Variants in MYT1L observed in about 807,000 individuals in gnomAD.
The protein encoded by MYT1L is myelin transcription factor 1 like, also known as myelin transcription factor 1-like protein.
MYT1L carries 12 observed loss-of-function variants against 126.7 expected under a neutral mutation model. The observed-to-expected ratio is 0.09, with a 90% CI of 0.06 to 0.15. MYT1L has a LOEUF of 0.15. MYT1L is among the 10% of genes least tolerant of loss of function. The pLI is 1.00. For synonymous variants in MYT1L, 541 were observed against 604.2 expected (o/e 0.90, Z 1.53); for missense variants, 979 against 1,585.2 (o/e 0.62, Z 6.49).
intron 1 of MYT1L, among the ~76,000 whole-genome samples, chr2:2,297,135 C>A (rs1313638782): frequency 6.6e-6 from 1 of 152,226 alleles, no homozygotes; most frequent in African/African-American, 2.4e-5. Context: ...ACACAAGTAT[C>A]AGGGGACCTC....
At chr2:2,272,050 C>G (rs2095274101) in intron 2 of MYT1L, among the ~76,000 whole-genome samples, 1 of 152,252 alleles carries the variant, frequency 6.6e-6, no homozygotes, top group Admixed American at 6.5e-5. Flanking sequence ...CCTCGCCCCA[C>G]CCAGCAATCC....
At chr2:2,255,773 C>T (rs2094793453) in intron 2 of MYT1L, among the ~76,000 whole-genome samples, 1 of 152,124 alleles carries the variant, frequency 6.6e-6, no homozygotes, top group Non-Finnish European at 1.5e-5. Flanking sequence ...TGTTGTGAAA[C>T]AAAGCAAGCT....
At chr2:1,846,189 A>C (rs925108098) in intron 19 of MYT1L, among the ~76,000 whole-genome samples, 4 of 152,168 alleles carry the variant, frequency 2.6e-5, no homozygotes, top group Admixed American at 2.0e-4. Context: ...AATGCGTGAG[A>C]GTGCGCCAGG....
chr2:1,992,753 A>T (rs1036902678), intron 5 of MYT1L, among the ~76,000 whole-genome samples: 5 of 152,122 alleles, frequency 3.3e-5, no homozygotes, highest in African/African-American at 1.2e-4. Flanking sequence ...CCCAAAGCAG[A>T]CCTCCTTCTT....
chr2:2,306,343 G>A (rs1398630332), intron 1 of MYT1L, among the ~76,000 whole-genome samples: 2 of 152,114 alleles, frequency 1.3e-5, no homozygotes, highest in African/African-American at 2.4e-5. Flanking sequence ...GTATCAAATG[G>A]TCCAAAGGAA....
At chr2:2,162,296 G>C (rs903750532) in intron 3 of MYT1L, among the ~76,000 whole-genome samples, 1 of 151,938 alleles carries the variant, frequency 6.6e-6, no homozygotes, top group East Asian at 1.9e-4. Flanking sequence ...GGTGCCTGGG[G>C]TCCACGGAGA....
At chr2:1,967,399 G>A (rs1278281350) in intron 8 of MYT1L, among the ~76,000 whole-genome samples, 1 of 152,226 alleles carries the variant, frequency 6.6e-6, no homozygotes, top group East Asian at 1.9e-4. Context: ...ATTTGGGGAT[G>A]TACCCAGATG....
intron 8 of MYT1L, among the ~76,000 whole-genome samples, chr2:1,956,316 A>T (rs979622874): frequency 7.9e-6 from 1 of 126,012 alleles, no homozygotes; most frequent in African/African-American, 3.8e-5. Context: ...TATATTTCCT[A>T]TTCTATGTGT....
intron 3 of MYT1L, among the ~76,000 whole-genome samples, chr2:2,081,944 C>G (rs1209820012): frequency 5.9e-5 from 9 of 151,982 alleles, no homozygotes; most frequent in Admixed American, 5.9e-4. Context: ...GGTTTCACCA[C>G]GTTGGTCAGG....
At chr2:2,296,969 C>T (rs1262835737) in intron 1 of MYT1L, among the ~76,000 whole-genome samples, 1 of 152,180 alleles carries the variant, frequency 6.6e-6, no homozygotes. Context: ...TGGGCCAACA[C>T]CCCCTTCCCA....
rs1379768886 is a variant in MYT1L, at chr2:1,801,073, T to C, written c.3276+623A>G. Among the ~76,000 whole-genome samples, 2 of 152,194 alleles carry C rather than the reference T, an allele frequency of 1.3e-5. No individual in the cohort carries two copies. The highest frequency in any genetic ancestry group is 2.9e-5 in the Non-Finnish European group (2 of 68,030). On this transcript the variant is annotated intron_variant, in intron 23 of 24. Coordinates refer to ENST00000647738, the MANE Select transcript of MYT1L (RefSeq NM_001303052.2). This position sits in a 1 kb window ranked among gnomAD's most constrained non-coding sequence, Gnocchi z 4.2. ...GTCAGACAGGGTCCAGCCTGGCCTCTGTGGCTTCGGCTTGGCTGAGGAAGC... is the reference window on the plus strand; with the variant it reads ...GTCAGACAGGGTCCAGCCTGGCCTCCGTGGCTTCGGCTTGGCTGAGGAAGC...
At chr2:1,853,743 A>G (rs993486174) in intron 18 of MYT1L, among the ~76,000 whole-genome samples, 3 of 152,244 alleles carry the variant, frequency 2.0e-5, no homozygotes, top group African/African-American at 4.8e-5. Flanking sequence ...TTTAAAATTT[A>G]TTCATTTTAA....
In MYT1L at chr2:2,054,495, T is replaced by A. The variant is rs557547691; in HGVS notation, c.-303-372A>T. 2.7e-5 allele frequency among the ~76,000 whole-genome samples: 4 copies of A among 149,884 alleles called. No homozygotes were observed. In the South Asian group the frequency reaches 8.5e-4, roughly 32 times the overall value. On this transcript the variant is annotated intron_variant, in intron 3 of 24. Transcript: ENST00000647738. ...GGATGATGAGACATATGGAGACACA[T>A]GGAGATAATGAGACACAGAGATGAG...
chr2:2,012,819 C>T (rs1028829337), intron 4 of MYT1L, among the ~76,000 whole-genome samples: 33 of 152,288 alleles, frequency 2.2e-4, no homozygotes, highest in African/African-American at 7.5e-4. Context: ...CGCTGTGGTA[C>T]CGCAGTGTTG....
chr2:1,806,933 G>T lies in MYT1L; in HGVS notation c.3172+2143C>A, dbSNP rs2035817345. ...TTTGAAAAGCGCCCGGCATGCAGAT[G>T]GGGCTTAGGGAATGTTTTCTTTCTG... On this transcript the variant is annotated intron_variant, in intron 22 of 24. Transcript: ENST00000647738. This position sits in a 1 kb window ranked among gnomAD's most constrained non-coding sequence, Gnocchi z 4.9. Among the ~76,000 whole-genome samples, 2 of 152,240 alleles carry T rather than the reference G, an allele frequency of 1.3e-5. No individual in the cohort carries two copies. Among genetic ancestry groups the T allele is most frequent in the Admixed American group, 1.3e-4 (2 of 15,284 alleles).
intron 3 of MYT1L, among the ~76,000 whole-genome samples, chr2:2,123,477 ATCAT>A (rs2081305682): frequency 1.3e-5 from 2 of 152,098 alleles, no homozygotes; most frequent in African/African-American, 4.8e-5. Flanking sequence ...AGGCAATTGG[ATCAT>A]GGGGCCCATT....
chr2:1,880,911 G>A (rs2047447104), intron 18 of MYT1L, among the ~76,000 whole-genome samples: 1 of 152,210 alleles, frequency 6.6e-6, no homozygotes, highest in Non-Finnish European at 1.5e-5. Context: ...CCAAGACAAT[G>A]GCGAGGCATA....
rs148053884 is a variant in MYT1L at position 2,135,934 on chromosome 2, C to T, written c.-304+36938G>A. On this transcript the variant is annotated intron_variant, in intron 3 of 24. Transcript: ENST00000647738. Reference sequence around the variant, plus strand: ...AAAGACACATGCACACATATGTTTACTGCAGCACTATTTACAATATCAAAG... The same window carrying T: ...AAAGACACATGCACACATATGTTTATTGCAGCACTATTTACAATATCAAAG... Among the ~76,000 whole-genome samples, 1,097 of 152,314 alleles carry T rather than the reference C, an allele frequency of 7.2e-3. 15 individuals carry two copies. The highest frequency in any genetic ancestry group is 0.025 in the African/African-American group (1,036 of 41,562).
rs1400358651 is a variant in MYT1L, at chr2:2,003,987, A to G, written c.-157-6640T>C. On this transcript the variant is annotated intron_variant, in intron 4 of 24. Transcript: ENST00000647738. ...CTTTCCTGCAGGCATTCTTTCCTGCAAGCGTTCTTTCCTGCATGCCTTCTT... is the reference window on the plus strand; with the variant it reads ...CTTTCCTGCAGGCATTCTTTCCTGCGAGCGTTCTTTCCTGCATGCCTTCTT... Among the ~76,000 whole-genome samples, 79 of 150,350 alleles carry G rather than the reference A, an allele frequency of 5.3e-4. 2 individuals carry two copies. The South Asian group carries it at 0.015, about 29-fold the overall frequency.
Sources: gnomAD v4.1 joint callset for allele counts (sites outside exome capture counted in the v4.1 genomes callset) on GRCh38, gnomAD v4.1.1 for gene constraint, Gnocchi (gnomAD v3.1) non-coding constraint, MANE v1.5 for transcripts, NCBI Gene and HGNC (gene_info 2026-07-23, HGNC 2026-07-21) for gene names.